The following TTBK2 variants were observed in gnomAD, a reference collection of about 807,000 sequenced individuals.
The protein encoded by TTBK2 is tau tubulin kinase 2.
Under a neutral mutation model 110.8 loss-of-function variants are expected in TTBK2, and 28 were observed. The ratio of observed to expected loss-of-function variants is 0.25; its 90% CI spans 0.19 to 0.35. The LOEUF (loss-of-function observed/expected upper bound fraction) is 0.35, where lower values mean the gene tolerates loss of function less well. TTBK2 is among the 10% of genes least tolerant of loss of function. TTBK2 has a pLI of 1.00. For synonymous variants in TTBK2, 532 were observed against 527.3 expected (o/e 1.01, Z -0.12); for missense variants, 1,369 against 1,500.3 (o/e 0.91, Z 1.45).
chr15:42,858,881 GC>G (rs1453212586), intron 3 of TTBK2, among the ~76,000 whole-genome samples: 1 of 152,160 alleles, frequency 6.6e-6, no homozygotes, highest in Non-Finnish European at 1.5e-5. Flanking sequence ...CAGAAGTCAT[GC>G]TTTTGTGAGT....
chr15:42,856,912 T>C (rs1267559801), intron 3 of TTBK2, among the ~76,000 whole-genome samples: 1 of 151,698 alleles, frequency 6.6e-6, no homozygotes, highest in Non-Finnish European at 1.5e-5. Flanking sequence ...ACTATAAAAA[T>C]CAGCCGGATG....
chr15:42,765,049 T>C (rs1889292862), intron 13 of TTBK2, among the ~76,000 whole-genome samples: 1 of 152,156 alleles, frequency 6.6e-6, no homozygotes, highest in Admixed American at 6.5e-5. Context: ...ATCTGACTGT[T>C]AGAAGGAAAA....
chr15:42,909,479 T>A (rs2030619820), intron 1 of TTBK2, among the ~76,000 whole-genome samples: 1 of 152,194 alleles, frequency 6.6e-6, no homozygotes, highest in African/African-American at 2.4e-5. Context: ...CCCACCCAGA[T>A]AATCAAGGAA....
intron 3 of TTBK2, among the ~76,000 whole-genome samples, chr15:42,869,402 T>G (rs560820742): frequency 6.7e-6 from 1 of 148,248 alleles, no homozygotes; most frequent in Non-Finnish European, 1.5e-5. Flanking sequence ...ACTATACTTA[T>G]TAAAAAGAAA....
rs188316800 is a variant in TTBK2 at position 42,848,411 on chromosome 15, A to T, written c.218-7978T>A. On this transcript the variant is annotated intron_variant, in intron 3 of 14. Coordinates refer to ENST00000267890, the MANE Select transcript of TTBK2 (RefSeq NM_173500.4). ...GAACCTTCCAATTAATGAATATGGT[A>T]TGCCTCTCCATTTATTTAAATCTTC... 4.9e-3 allele frequency among the ~76,000 whole-genome samples: 741 copies of T among 152,148 alleles called. 12 individuals are homozygous for T. The highest frequency in any genetic ancestry group is 0.017 in the African/African-American group (709 of 41,518).
intron 2 of TTBK2, among the ~76,000 whole-genome samples, chr15:42,874,648 A>C (rs930562243): frequency 9.9e-5 from 15 of 151,370 alleles, no homozygotes; most frequent in African/African-American, 3.4e-4. Flanking sequence ...GGTGATGGGA[A>C]AGGAATACTA....
chr15:42,852,253 G>C (rs1027060425), intron 3 of TTBK2, among the ~76,000 whole-genome samples: 7 of 151,954 alleles, frequency 4.6e-5, no homozygotes, highest in Admixed American at 4.6e-4. Flanking sequence ...ATTGTTAGTA[G>C]AGACGGGGTT....
At chr15:42,779,933 C>T (rs1190144106) in intron 11 of TTBK2, among the ~76,000 whole-genome samples, 6 of 151,762 alleles carry the variant, frequency 4.0e-5, no homozygotes, top group African/African-American at 7.3e-5. Context: ...GAGCTGAGAT[C>T]GCACCGCTGC....
At chr15:42,793,321 T>C (rs1890780266) in intron 10 of TTBK2, among the ~76,000 whole-genome samples, 1 of 152,220 alleles carries the variant, frequency 6.6e-6, no homozygotes, top group Non-Finnish European at 1.5e-5. Context: ...TCAGTGATAC[T>C]ATCCAGTTAT....
At chr15:42,771,512 C>T (rs958006340) in intron 13 of TTBK2, among the ~76,000 whole-genome samples, 3 of 151,956 alleles carry the variant, frequency 2.0e-5, no homozygotes, top group Non-Finnish European at 4.4e-5. Context: ...TGAAGTATAG[C>T]GTAAAGCCTG....
chr15:42,886,990 T>C (rs1441338099), intron 1 of TTBK2, among the ~76,000 whole-genome samples: 1 of 152,094 alleles, frequency 6.6e-6, no homozygotes, highest in African/African-American at 2.4e-5. Flanking sequence ...CTTGGAAGCC[T>C]CAGATGCTTT....
chr15:42,919,678 G>T, intron 1 of TTBK2: 1 of 358,008 alleles, frequency 2.8e-6, no homozygotes, highest in Non-Finnish European at 3.9e-6. Flanking sequence ...CTAAAGCGAT[G>T]AGAGAGAAGA....
At chr15:42,758,673 A>AG (rs2061980363) in intron 13 of TTBK2, among the ~76,000 whole-genome samples, 2 of 151,304 alleles carry the variant, frequency 1.3e-5, no homozygotes, top group South Asian at 2.1e-4. Flanking sequence ...AAAAAAAAAA[A>AG]AAGAAGCCCA....
intron 3 of TTBK2, among the ~76,000 whole-genome samples, chr15:42,848,796 T>C (rs11070381): frequency 0.067 from 10,271 of 152,274 alleles, 938 homozygotes; most frequent in African/African-American, 0.2. Flanking sequence ...AGCCCAGATC[T>C]GGCATATATT....
Position 42,783,459 on chromosome 15 carries a change from A to G in TTBK2, c.1157T>C (p.Met386Thr), listed in dbSNP as rs547332107. ...CTTTATCTTGTTTTTGTTGGCATCCATCTCTTCCCAAACATCCTTCTCCTG... is the reference window on the plus strand; with the variant it reads ...CTTTATCTTGTTTTTGTTGGCATCCGTCTCTTCCCAAACATCCTTCTCCTG... ...RPQEKDVWEE[M>T]DANKNKIKLG... Residue 386 changes from methionine to threonine, a missense_variant, in exon 11 of 15, where the codon ATG becomes ACG. Met to Thr is a moderately conservative substitution (Grantham distance 81). Transcript: ENST00000267890. 1 of 1,614,148 alleles carries G rather than the reference A, an allele frequency of 6.2e-7. No homozygotes were observed. Among genetic ancestry groups the G allele is most frequent in the Admixed American group, 1.7e-5 (1 of 60,018 alleles).
At chr15:42,917,154 G>A (rs1334085304) in intron 1 of TTBK2, among the ~76,000 whole-genome samples, 1 of 151,826 alleles carries the variant, frequency 6.6e-6, no homozygotes, top group Admixed American at 6.6e-5. Context: ...CCTAACTGAA[G>A]TGAAAGCAAA....
chr15:42,911,447 G>A (rs2030750461), intron 1 of TTBK2, among the ~76,000 whole-genome samples: 1 of 152,208 alleles, frequency 6.6e-6, no homozygotes, highest in Admixed American at 6.5e-5. Context: ...AACAAAAGAG[G>A]TAGAACATTC....
intron 4 of TTBK2, among the ~76,000 whole-genome samples, chr15:42,837,031 A>G (rs1893010383): frequency 6.6e-6 from 1 of 152,182 alleles, no homozygotes; most frequent in Non-Finnish European, 1.5e-5. Flanking sequence ...TTACTAGCCA[A>G]AATGAGAGAA....
chr15:42,787,065 A>T (rs1567023101), intron 10 of TTBK2, among the ~76,000 whole-genome samples: 1 of 152,240 alleles, frequency 6.6e-6, no homozygotes, highest in Non-Finnish European at 1.5e-5. Flanking sequence ...TATCCTTTTC[A>T]TATTTCATTC....
Sources: gnomAD v4.1 joint callset for allele counts (sites outside exome capture counted in the v4.1 genomes callset) on GRCh38, gnomAD v4.1.1 for gene constraint, MANE v1.5 for transcripts, NCBI Gene and HGNC (gene_info 2026-07-23, HGNC 2026-07-21) for gene names.